The following PARP10 variants were observed in gnomAD, a reference collection of about 807,000 sequenced individuals.
PARP10 encodes the protein poly(ADP-ribose) polymerase family member 10.
In PARP10, 56 loss-of-function variants were observed where a neutral mutation model predicts 82.4. The observed-to-expected ratio is 0.68, with a 90% confidence interval of 0.55 to 0.85. PARP10 has a LOEUF of 0.85. PARP10 is among the 40% of genes least tolerant of loss of function. The pLI is 0.00. For missense variants in PARP10, 1,227 were observed against 1,379.4 expected (o/e 0.89, Z 1.75); for synonymous variants, 576 against 601.1 (o/e 0.96, Z 0.61).
intron 9 of PARP10, among the ~76,000 whole-genome samples, chr8:143,978,388 A>G (rs1004870077): frequency 1.3e-5 from 2 of 152,178 alleles, no homozygotes; most frequent in Non-Finnish European, 2.9e-5. Context: ...TATGCTGCCT[A>G]CAGGACTTGA....
In PARP10 at chr8:143,983,445, A is replaced by G; in HGVS notation, c.2144T>C (p.Phe715Ser). Reference protein sequence around the residue: ...GKAQLVVHSAFEQDVEELDRA... With the variant: ...GKAQLVVHSASEQDVEELDRA... ...GTCCAGCTCCTCCACATCCTGCTCA[A>G]AGGCCGAGTGCACCACCAGCTGGGC... Residue 715 changes from phenylalanine to serine, a missense_variant, in exon 8 of 11, where the codon TTT (phenylalanine) becomes TCT (serine). By Grantham distance (155) the Phe-to-Ser change is radical. Transcript: ENST00000313028. 1.2e-6 allele frequency: 2 copies of G among 1,605,954 alleles called. No individual in the cohort carries two copies. Among genetic ancestry groups the G allele is most frequent in the African/African-American group, 2.7e-5 (2 of 75,016 alleles).
chr8:143,995,242 A>G (rs1834156107), upstream of PARP10, among the ~76,000 whole-genome samples: 1 of 152,190 alleles, frequency 6.6e-6, no homozygotes, highest in Non-Finnish European at 1.5e-5. Flanking sequence ...GTGTTTAGGA[A>G]GATGAGTCTG....
At chr8:143,999,458 C>T in intron 1 of PARP10, among the ~76,000 whole-genome samples, 1 of 152,162 alleles carries the variant, frequency 6.6e-6, no homozygotes, top group South Asian at 2.1e-4. Flanking sequence ...CCCACCTCAG[C>T]CTCCCAAAGT....
chr8:144,009,140 C>G (rs868962104), intron 1 of PARP10, among the ~76,000 whole-genome samples: 1 of 152,112 alleles, frequency 6.6e-6, no homozygotes, highest in Non-Finnish European at 1.5e-5. Context: ...GGCACTTCTC[C>G]GTACATCCAA....
At chr8:143,981,047 A>G (rs901773919) in intron 9 of PARP10, among the ~76,000 whole-genome samples, 71 of 152,214 alleles carry the variant, frequency 4.7e-4, no homozygotes, top group African/African-American at 1.5e-3. Flanking sequence ...AAAGCTGTCA[A>G]GTGAAAAAAA....
intron 1 of PARP10, among the ~76,000 whole-genome samples, chr8:144,009,141 G>T (rs1051146465): frequency 1.3e-5 from 2 of 152,122 alleles, no homozygotes; most frequent in African/African-American, 4.8e-5. Context: ...GCACTTCTCC[G>T]TACATCCAAA....
At chr8:144,012,291 C>T (rs142732808) in intron 1 of PARP10, 45 of 559,804 alleles carry the variant, frequency 8.0e-5, no homozygotes, top group South Asian at 6.2e-4. Flanking sequence ...CATTCCAGGC[C>T]GAGGCAAGGC....
chr8:144,001,875 T>TGA (rs781891297), intron 1 of PARP10, among the ~76,000 whole-genome samples: 1 of 129,240 alleles, frequency 7.7e-6, no homozygotes, highest in African/African-American at 2.8e-5. Context: ...TATATATACG[T>TGA]GTGTGTGTGT....
At chr8:143,988,594 T>C (rs190936431), upstream of PARP10, among the ~76,000 whole-genome samples, 2 of 151,872 alleles carry the variant, frequency 1.3e-5, no homozygotes, top group Non-Finnish European at 2.9e-5. Flanking sequence ...GCCCCCCCAA[T>C]AGCTGGGATT....
intron 9 of PARP10, among the ~76,000 whole-genome samples, chr8:143,979,365 C>T (rs1181543078): frequency 1.3e-5 from 2 of 152,142 alleles, no homozygotes; most frequent in African/African-American, 4.8e-5. Flanking sequence ...TTACCGACAC[C>T]AGATGCTAAG....
chr8:143,978,361 A>G (rs1833765992), intron 9 of PARP10, among the ~76,000 whole-genome samples: 1 of 152,152 alleles, frequency 6.6e-6, no homozygotes, highest in Non-Finnish European at 1.5e-5. Context: ...CTGCAGAGAA[A>G]AGCTGAGCCA....
At chr8:143,997,802 T>C (rs1484586156) in intron 1 of PARP10, among the ~76,000 whole-genome samples, 14 of 150,702 alleles carry the variant, frequency 9.3e-5, no homozygotes, top group Admixed American at 9.2e-4. Flanking sequence ...TTTTTTTTCC[T>C]TTTTTTTGAG....
chr8:143,979,581 A>C lies in PARP10; in HGVS notation c.2557-1500T>G, dbSNP rs547986000. 5.7e-4 allele frequency among the ~76,000 whole-genome samples: 87 copies of C among 152,346 alleles called. 2 individuals are homozygous for C. The highest frequency in any genetic ancestry group is 1.7e-3 in the African/African-American group (72 of 41,584). ...GAAGTTCATACCAACATCAAATTAC[A>C]GTTGCAAAATACCTCTAATTGTAAA... On this transcript the variant is annotated intron_variant, in intron 9 of 10. Coordinates refer to ENST00000313028, the MANE Select transcript of PARP10 (RefSeq NM_032789.5).
chr8:143,988,845 G>A (rs1169211413), upstream of PARP10: 1 of 152,172 alleles, frequency 6.6e-6, no homozygotes, highest in Non-Finnish European at 1.5e-5. Flanking sequence ...CCTTCTACAA[G>A]GGTAAATCCA....
chr8:143,980,697 C>T (rs891599221), intron 9 of PARP10, among the ~76,000 whole-genome samples: 17 of 151,756 alleles, frequency 1.1e-4, no homozygotes, highest in African/African-American at 3.1e-4. Flanking sequence ...CTGAGTAACC[C>T]GGTGGTCAAG....
intron 1 of PARP10, among the ~76,000 whole-genome samples, chr8:143,996,759 G>C (rs1834167432): frequency 6.6e-6 from 1 of 152,210 alleles, no homozygotes; most frequent in Admixed American, 6.5e-5. Context: ...AAAGCCCAGG[G>C]GATGCAGGAG....
chr8:143,983,358 C>T lies in PARP10; in HGVS notation c.2231G>A (p.Arg744His), dbSNP rs781818372. The T allele has an allele frequency of 5.0e-6, 8 of 1,606,290 alleles. No homozygotes were observed. The highest frequency in any genetic ancestry group is 1.7e-4 in the Middle Eastern group (1 of 6,056). ...AGCACGCAGCTCTGCAGGCAGTGTG[C>T]GGCGCCAGGGCCCCACCGTCTCCTC... ...VQEETVGPWR[R>H]TLPAELRARL... is the part of the protein sequence containing the mutation. The change falls in exon 8 of 11, where the codon CGC becomes CAC. Residue 744 changes from arginine (R) to histidine (H), a missense_variant. By Grantham distance (29) the Arg-to-His change is conservative. Coordinates refer to ENST00000313028, the MANE Select transcript of PARP10 (RefSeq NM_032789.5).
At chr8:143,997,255 C>T (rs938208396) in intron 1 of PARP10, among the ~76,000 whole-genome samples, 1 of 152,202 alleles carries the variant, frequency 6.6e-6, no homozygotes, top group Admixed American at 6.5e-5. Flanking sequence ...TACCTCTTCT[C>T]TCTGCAGGCC....
At position 143,998,239 on chromosome 8, in the gene PARP10, C is replaced by T. The variant is rs183560682; in HGVS notation, c.-79-11801G>A. 5.3e-3 allele frequency among the ~76,000 whole-genome samples: 811 copies of T among 152,276 alleles called. 4 individuals are homozygous for T. Among genetic ancestry groups the T allele is most frequent in the Non-Finnish European group, 9.1e-3 (618 of 68,022 alleles). On this transcript the variant is annotated intron_variant, in intron 1 of 3. Transcript: ENST00000530478. ...CACTCAGGAGACAGGGATTCTCATT[C>T]AGGACCCACCCAGCGAAGGATCACT...
Sources: allele counts gnomAD v4.1 joint callset (sites outside exome capture counted in the v4.1 genomes callset), GRCh38; gene constraint gnomAD v4.1.1; transcripts MANE v1.5; gene names NCBI Gene and HGNC (gene_info 2026-07-23, HGNC 2026-07-21).